GRID1: variants seen among roughly 807,000 people sequenced by gnomAD.
GRID1 encodes the protein glutamate ionotropic receptor delta type subunit 1, also known as glutamate receptor ionotropic, delta-1.
GRID1 carries 28 observed loss-of-function variants against 98.0 expected under a neutral mutation model. That is an observed-to-expected ratio of 0.29 (90% CI 0.21 to 0.39). The LOEUF (loss-of-function observed/expected upper bound fraction) is 0.39, where lower values mean the gene tolerates loss of function less well. Among genes scored for constraint, GRID1 ranks in the 10% least tolerant of loss-of-function variants. The pLI is 1.00. For missense variants in GRID1, 1,111 were observed against 1,340.5 expected (o/e 0.83, Z 2.67); for synonymous variants, 553 against 538.5 (o/e 1.03, Z -0.37).
intron 4 of GRID1, among the ~76,000 whole-genome samples, chr10:85,984,185 C>T (rs1842580426): frequency 6.6e-6 from 1 of 152,128 alleles, no homozygotes; most frequent in African/African-American, 2.4e-5. Flanking sequence ...GCTCATCTCC[C>T]TTACTTTCTC....
intron 2 of GRID1, among the ~76,000 whole-genome samples, chr10:86,227,011 C>T (rs1293910156): frequency 1.3e-5 from 2 of 152,174 alleles, no homozygotes; most frequent in Non-Finnish European, 2.9e-5. Context: ...CAAGCATCTA[C>T]CAGAGGAGCC....
At chr10:85,924,288 G>A (rs1459444670) in intron 4 of GRID1, among the ~76,000 whole-genome samples, 4 of 152,156 alleles carry the variant, frequency 2.6e-5, no homozygotes, top group Non-Finnish European at 4.4e-5. Flanking sequence ...CACTTTGCAC[G>A]AACTTCATTA....
chr10:86,342,724 C>T (rs1450656128), intron 2 of GRID1, among the ~76,000 whole-genome samples: 1 of 152,218 alleles, frequency 6.6e-6, no homozygotes, highest in Non-Finnish European at 1.5e-5. Flanking sequence ...GGGTAGCGAG[C>T]TACCCCCTCC....
At chr10:86,047,424 G>A (rs565541176) in intron 4 of GRID1, among the ~76,000 whole-genome samples, 43 of 152,228 alleles carry the variant, frequency 2.8e-4, no homozygotes, top group Non-Finnish European at 5.6e-4. Flanking sequence ...GCAGCCCTGA[G>A]AAATGAGGCA....
intron 8 of GRID1, among the ~76,000 whole-genome samples, chr10:85,742,291 G>A (rs149431908): frequency 8.2e-4 from 125 of 152,120 alleles, no homozygotes; most frequent in African/African-American, 2.8e-3. Flanking sequence ...ATTTTAAGTT[G>A]TCTGGGCCAT....
chr10:85,849,467 C>T (rs561140024), intron 8 of GRID1, among the ~76,000 whole-genome samples: 4 of 152,266 alleles, frequency 2.6e-5, no homozygotes, highest in South Asian at 2.1e-4. Context: ...CCTGGGAAAT[C>T]GCTGGAACAG....
At chr10:86,258,770 A>G (rs950709561) in intron 2 of GRID1, among the ~76,000 whole-genome samples, 9 of 152,342 alleles carry the variant, frequency 5.9e-5, no homozygotes, top group Middle Eastern at 6.8e-3. Context: ...AATCTACTCC[A>G]CATATCCAGA....
chr10:85,737,306 C>T (rs894959629), intron 8 of GRID1, among the ~76,000 whole-genome samples: 23 of 151,978 alleles, frequency 1.5e-4, no homozygotes, highest in African/African-American at 5.3e-4. Context: ...TATACAGGGG[C>T]TTTTGAAAAA....
intron 12 of GRID1, among the ~76,000 whole-genome samples, chr10:85,704,485 T>C (rs1440077233): frequency 1.3e-5 from 2 of 152,192 alleles, no homozygotes; most frequent in Non-Finnish European, 2.9e-5. Context: ...CTTAGAGACC[T>C]AGAAAGAGAC....
chr10:86,047,627 C>T (rs1474301531), intron 4 of GRID1, among the ~76,000 whole-genome samples: 1 of 151,976 alleles, frequency 6.6e-6, no homozygotes, highest in East Asian at 1.9e-4. Flanking sequence ...ATCAAAGAAG[C>T]TCTGGGTTAA....
At chr10:85,689,974 C>T (rs1265880577) in intron 12 of GRID1, among the ~76,000 whole-genome samples, 2 of 152,022 alleles carry the variant, frequency 1.3e-5, no homozygotes, top group Non-Finnish European at 2.9e-5. Flanking sequence ...AAGAGTTAAA[C>T]TGACAGTAAG....
intron 4 of GRID1, among the ~76,000 whole-genome samples, chr10:85,934,412 G>GGA (rs1841898537): frequency 1.9e-5 from 2 of 106,462 alleles, no homozygotes; most frequent in South Asian, 7.2e-4. Flanking sequence ...TGCAGAGATT[G>GGA]GACACACACA....
intron 3 of GRID1, among the ~76,000 whole-genome samples, chr10:86,139,395 C>T (rs771519699): frequency 1.3e-5 from 2 of 152,214 alleles, no homozygotes; most frequent in Non-Finnish European, 2.9e-5. Context: ...CCCCAGTCCC[C>T]TTCACCTCCC....
At chr10:85,764,837 T>A (rs905047138) in intron 8 of GRID1, among the ~76,000 whole-genome samples, 1 of 152,142 alleles carries the variant, frequency 6.6e-6, no homozygotes, top group Admixed American at 6.5e-5. Flanking sequence ...GAAAAGAGAA[T>A]GGGAAAATTG....
intron 13 of GRID1, chr10:85,646,910 C>G: frequency 2.3e-6 from 1 of 434,620 alleles, no homozygotes; most frequent in South Asian, 3.0e-5. Context: ...CTCGGGTGGA[C>G]AGGCCTCTCT....
At chr10:86,187,896 C>A (rs1324774649) in intron 3 of GRID1, among the ~76,000 whole-genome samples, 2 of 152,188 alleles carry the variant, frequency 1.3e-5, no homozygotes, top group East Asian at 1.9e-4. Flanking sequence ...GTCACAGGGA[C>A]CACCCCCAGC....
chr10:85,841,250 T>C (rs1468308432), intron 8 of GRID1, among the ~76,000 whole-genome samples: 1 of 152,162 alleles, frequency 6.6e-6, no homozygotes, highest in Non-Finnish European at 1.5e-5. Context: ...AATTCCCTCT[T>C]CAATAAATGG....
At chr10:85,883,498 C>G (rs892272717) in intron 5 of GRID1, among the ~76,000 whole-genome samples, 16 of 149,064 alleles carry the variant, frequency 1.1e-4, no homozygotes, top group African/African-American at 3.7e-4. Flanking sequence ...CTCTGTCTCT[C>G]TCTCTCTCTC....
intron 2 of GRID1, among the ~76,000 whole-genome samples, chr10:86,278,956 C>T (rs1010552731): frequency 3.9e-5 from 6 of 152,160 alleles, no homozygotes; most frequent in South Asian, 4.1e-4. Flanking sequence ...AAACCAAAGA[C>T]GTTACAAGAA....
Sources: gnomAD v4.1 joint callset for allele counts (sites outside exome capture counted in the v4.1 genomes callset) on GRCh38, gnomAD v4.1.1 for gene constraint, MANE v1.5 for transcripts, NCBI Gene and HGNC (gene_info 2026-07-23, HGNC 2026-07-21) for gene names.